The following GRM8 variants were observed in gnomAD, a reference collection of about 807,000 sequenced individuals.
GRM8 encodes the protein metabotropic glutamate receptor 8.
In GRM8, 47 loss-of-function variants were observed where a neutral mutation model predicts 87.2. That is an observed-to-expected ratio of 0.54 (90% CI 0.43 to 0.69). The LOEUF (loss-of-function observed/expected upper bound fraction) is 0.69, where lower values mean the gene tolerates loss of function less well. Ranked by LOEUF, GRM8 falls within the 30% of genes least tolerant of loss-of-function variation. The pLI is 0.00. For missense variants in GRM8, 1,019 were observed against 1,139.2 expected, an observed-to-expected ratio of 0.89 and a Z score of 1.52; for synonymous variants, 396 against 404.5, an observed-to-expected ratio of 0.98 and a Z score of 0.25.
At chr7:126,783,576 T>G (rs1033202351) in intron 6 of GRM8, among the ~76,000 whole-genome samples, 1 of 152,190 alleles carries the variant, frequency 6.6e-6, no homozygotes, top group East Asian at 1.9e-4. Context: ...AAAATCAATG[T>G]GGTTGGTCAC....
At chr7:126,651,935 C>A (rs1206492965) in intron 7 of GRM8, among the ~76,000 whole-genome samples, 1 of 152,138 alleles carries the variant, frequency 6.6e-6, no homozygotes, top group Non-Finnish European at 1.5e-5. Context: ...TTGGGTGACT[C>A]CACCAGGAAA....
intron 2 of GRM8, among the ~76,000 whole-genome samples, chr7:127,155,841 A>G (rs1792694733): frequency 2.0e-5 from 3 of 152,150 alleles, no homozygotes; most frequent in Admixed American, 1.3e-4. Context: ...TTTTGATTTA[A>G]TGTCTCTAGG....
At chr7:126,824,773 T>C (rs1437075388) in intron 6 of GRM8, among the ~76,000 whole-genome samples, 1 of 152,234 alleles carries the variant, frequency 6.6e-6, no homozygotes, top group Non-Finnish European at 1.5e-5. Context: ...TTCTTCACCT[T>C]CTTGGTTAGT....
intron 3 of GRM8, among the ~76,000 whole-genome samples, chr7:127,000,091 C>T (rs1264223338): frequency 6.6e-6 from 1 of 151,790 alleles, no homozygotes; most frequent in African/African-American, 2.4e-5. Context: ...TCATTTGCAG[C>T]AACATGGATG....
chr7:126,638,239 TC>T (rs1802047477), intron 7 of GRM8, among the ~76,000 whole-genome samples: 1 of 152,158 alleles, frequency 6.6e-6, no homozygotes, highest in Non-Finnish European at 1.5e-5. Context: ...ACTTCTTCTT[TC>T]CCTCATTGTG....
intron 3 of GRM8, among the ~76,000 whole-genome samples, chr7:127,085,549 T>C (rs1395341407): frequency 6.6e-6 from 1 of 152,264 alleles, no homozygotes; most frequent in Non-Finnish European, 1.5e-5. Flanking sequence ...TTTGCATTTC[T>C]CTGATGACCA....
intron 3 of GRM8, among the ~76,000 whole-genome samples, chr7:127,106,264 C>T (rs1825795925): frequency 6.6e-6 from 1 of 152,134 alleles, no homozygotes; most frequent in Admixed American, 6.5e-5. Context: ...AAAAAATGTT[C>T]ATTTGAGTCA....
chr7:126,798,752 G>A (rs1000172462), intron 6 of GRM8, among the ~76,000 whole-genome samples: 8 of 152,092 alleles, frequency 5.3e-5, no homozygotes, highest in African/African-American at 9.7e-5. Flanking sequence ...TGCTGCTCCT[G>A]ACACATCACT....
At chr7:126,479,527 A>C (rs967589613) in intron 9 of GRM8, among the ~76,000 whole-genome samples, 1 of 152,082 alleles carries the variant, frequency 6.6e-6, no homozygotes, top group Non-Finnish European at 1.5e-5. Context: ...TTCAAGGTTT[A>C]TCCATTTCAT....
At chr7:126,745,185 T>C (rs556357476) in intron 7 of GRM8, among the ~76,000 whole-genome samples, 13 of 151,534 alleles carry the variant, frequency 8.6e-5, no homozygotes, top group Non-Finnish European at 1.6e-4. Flanking sequence ...TACAATTTAA[T>C]AGAAAAAAAA....
chr7:126,440,578 A>G (rs1801355590), intron 10 of GRM8, among the ~76,000 whole-genome samples: 1 of 151,896 alleles, frequency 6.6e-6, no homozygotes, highest in Non-Finnish European at 1.5e-5. Flanking sequence ...TGTATACTCT[A>G]TTTTTACTGT....
At chr7:126,660,177 C>A (rs938687541) in intron 7 of GRM8, among the ~76,000 whole-genome samples, 1 of 152,114 alleles carries the variant, frequency 6.6e-6, no homozygotes, top group African/African-American at 2.4e-5. Flanking sequence ...TGTTTAAAAG[C>A]GTGGGGACTG....
At chr7:126,944,250 A>C (rs1367574093) in intron 3 of GRM8, among the ~76,000 whole-genome samples, 2 of 152,248 alleles carry the variant, frequency 1.3e-5, no homozygotes, top group Non-Finnish European at 2.9e-5. Flanking sequence ...AATTAAGAGA[A>C]AGATAGGAGG....
chr7:127,000,567 T>G (rs892613724), intron 3 of GRM8, among the ~76,000 whole-genome samples: 1 of 151,612 alleles, frequency 6.6e-6, no homozygotes, highest in Non-Finnish European at 1.5e-5. Flanking sequence ...TTAAGAACCA[T>G]TACACTAGGT....
At chr7:126,486,762 AACAAGGAATACATTTTATGAAAATT>A (rs1445585690) in intron 9 of GRM8, among the ~76,000 whole-genome samples, 2 of 152,080 alleles carry the variant, frequency 1.3e-5, no homozygotes, top group African/African-American at 4.8e-5. Flanking sequence ...TTATATGTTT[AACAAGGAATACATTTTATGAAAATT>A]ACAACTCAAT....
At chr7:127,197,975 G>C (rs573492259) in intron 2 of GRM8, among the ~76,000 whole-genome samples, 1 of 151,678 alleles carries the variant, frequency 6.6e-6, no homozygotes, top group Non-Finnish European at 1.5e-5. Flanking sequence ...TTGCTTTCTA[G>C]ATGTGGAATC....
intron 8 of GRM8, among the ~76,000 whole-genome samples, chr7:126,537,802 A>AC (rs1447901435): frequency 3.3e-5 from 5 of 152,082 alleles, no homozygotes; most frequent in Non-Finnish European, 5.9e-5. Flanking sequence ...AAACAAACAA[A>AC]AAAAACACTA....
intron 7 of GRM8, among the ~76,000 whole-genome samples, chr7:126,768,588 C>A (rs1818465171): frequency 6.6e-6 from 1 of 151,820 alleles, no homozygotes; most frequent in South Asian, 2.1e-4. Flanking sequence ...AAAATGCTTT[C>A]TTTAGTGCTT....
intron 8 of GRM8, among the ~76,000 whole-genome samples, chr7:126,561,764 T>C (rs1282638567): frequency 7.1e-6 from 1 of 140,892 alleles, no homozygotes; most frequent in Non-Finnish European, 1.5e-5. Context: ...CTCCTAATGT[T>C]ATCCCTCCCC....
Sources: allele counts gnomAD v4.1 joint callset (sites outside exome capture counted in the v4.1 genomes callset), GRCh38; gene constraint gnomAD v4.1.1; transcripts MANE v1.5; gene names NCBI Gene and HGNC (gene_info 2026-07-23, HGNC 2026-07-21).